The following ULK4 variants were observed in gnomAD, a reference collection of about 807,000 sequenced individuals.
ULK4 encodes the protein inactive serine/threonine-protein kinase ULK4.
ULK4 carries 133 observed loss-of-function variants against 160.6 expected under a neutral mutation model. The ratio of observed to expected loss-of-function variants is 0.83; its 90% confidence interval spans 0.72 to 0.96. ULK4 has a LOEUF of 0.96. Among genes scored for constraint, ULK4 ranks in the 40% least tolerant of loss-of-function variants. ULK4 has a pLI of 0.00. For synonymous variants in ULK4, 534 were observed against 539.8 expected (o/e 0.99, Z 0.15); for missense variants, 1,580 against 1,499.5 (o/e 1.05, Z -0.89).
At chr3:41,322,439 G>C (rs1273859667) in intron 35 of ULK4, among the ~76,000 whole-genome samples, 1 of 152,140 alleles carries the variant, frequency 6.6e-6, no homozygotes, top group Non-Finnish European at 1.5e-5. Flanking sequence ...AATAATTGAG[G>C]TTGCTGTAGA....
In ULK4 at chr3:41,856,590, C is replaced by CAT. The variant is rs1186531966; in HGVS notation, c.1657-20621_1657-20620dup. 5.4e-4 allele frequency among the ~76,000 whole-genome samples: 28 copies of CAT among 51,970 alleles called. No individual in the cohort carries two copies. In the East Asian group the frequency reaches 9.1e-3, roughly 17 times the overall value. 34.1% of individuals were successfully genotyped at this position (51,970 alleles called of 152,430 possible). On this transcript the variant is annotated intron_variant, in intron 17 of 36. Transcript: ENST00000301831. The stretch of plus-strand genomic sequence containing the variant: ...ATATATATATGTGTATATATATACA[C>CAT]ATATATATATATGTGTATATATATA...
chr3:41,774,674 A>G (rs1329044851), intron 21 of ULK4, among the ~76,000 whole-genome samples: 1 of 149,954 alleles, frequency 6.7e-6, no homozygotes, highest in Non-Finnish European at 1.5e-5. Context: ...GCGATTCCTC[A>G]GGGATCTAGA....
chr3:41,471,079 C>T (rs1165445535), intron 32 of ULK4, among the ~76,000 whole-genome samples: 1 of 151,680 alleles, frequency 6.6e-6, no homozygotes, highest in African/African-American at 2.4e-5. Context: ...CAAAACTAGA[C>T]CCAACTATAA....
chr3:41,579,406 TACA>T (rs972833564), intron 31 of ULK4, among the ~76,000 whole-genome samples: 1 of 151,146 alleles, frequency 6.6e-6, no homozygotes, highest in Non-Finnish European at 1.5e-5. Flanking sequence ...AAGCTCAGAA[TACA>T]ACGCCAGTTC....
At chr3:41,293,030 G>A (rs1304665625) in intron 35 of ULK4, among the ~76,000 whole-genome samples, 1 of 152,146 alleles carries the variant, frequency 6.6e-6, no homozygotes, top group Non-Finnish European at 1.5e-5. Context: ...GCTGAGGCAG[G>A]AGAATTGCTT....
chr3:41,548,557 C>T (rs2086946584), intron 32 of ULK4, among the ~76,000 whole-genome samples: 1 of 152,130 alleles, frequency 6.6e-6, no homozygotes, highest in Non-Finnish European at 1.5e-5. Flanking sequence ...AACATCATTA[C>T]CACTGCTAGC....
chr3:41,726,853 G>A (rs1437635968), intron 22 of ULK4, among the ~76,000 whole-genome samples: 1 of 151,994 alleles, frequency 6.6e-6, no homozygotes, highest in Non-Finnish European at 1.5e-5. Context: ...TCACCATGTT[G>A]GCCAGGCTGA....
At chr3:41,760,572 T>C (rs184821503) in intron 21 of ULK4, among the ~76,000 whole-genome samples, 1 of 152,202 alleles carries the variant, frequency 6.6e-6, no homozygotes, top group Non-Finnish European at 1.5e-5. Context: ...ACTGACATGA[T>C]GCAAGTGGAA....
chr3:41,918,058 A>G (rs1699035316), intron 7 of ULK4, among the ~76,000 whole-genome samples: 1 of 152,118 alleles, frequency 6.6e-6, no homozygotes, highest in Non-Finnish European at 1.5e-5. Flanking sequence ...TTATAAGGGT[A>G]GCATTCTGAT....
At chr3:41,477,166 T>TA (rs1444517348) in intron 32 of ULK4, among the ~76,000 whole-genome samples, 2 of 152,176 alleles carry the variant, frequency 1.3e-5, no homozygotes, top group Non-Finnish European at 2.9e-5. Context: ...AACCAACTCC[T>TA]AAAAAATCCA....
chr3:41,432,890 T>TA (rs77447291), intron 34 of ULK4, among the ~76,000 whole-genome samples: 2,054 of 146,630 alleles, frequency 0.014, 37 homozygotes, highest in African/African-American at 0.05. Context: ...AATAAACGTT[T>TA]AAAAAAAAAA....
chr3:41,630,240 T>C (rs2033688242), intron 30 of ULK4, among the ~76,000 whole-genome samples: 1 of 152,198 alleles, frequency 6.6e-6, no homozygotes, highest in African/African-American at 2.4e-5. Flanking sequence ...GCTGGAATCA[T>C]TGTGTCAGCT....
intron 24 of ULK4, 33 bp downstream of exon 24, chr3:41,715,414 T>G (rs768275314): frequency 1.2e-5 from 20 of 1,613,664 alleles, no homozygotes; most frequent in Non-Finnish European, 1.7e-5. Flanking sequence ...AAGAGGCAAA[T>G]TTATATCCTT....
At chr3:41,460,214 A>G (rs1344068272) in intron 33 of ULK4, among the ~76,000 whole-genome samples, 3 of 152,200 alleles carry the variant, frequency 2.0e-5, no homozygotes, top group Non-Finnish European at 4.4e-5. Context: ...CAGCAGTTTA[A>G]TGGTCCTACT....
At chr3:41,565,052 C>A (rs773469745) in intron 32 of ULK4, among the ~76,000 whole-genome samples, 1 of 152,154 alleles carries the variant, frequency 6.6e-6, no homozygotes, top group Admixed American at 6.5e-5. Context: ...AAAGTGACTA[C>A]AGTATTCAGC....
intron 32 of ULK4, among the ~76,000 whole-genome samples, chr3:41,521,940 A>G (rs2085943751): frequency 6.6e-6 from 1 of 152,012 alleles, no homozygotes; most frequent in Non-Finnish European, 1.5e-5. Context: ...TAGACTAATA[A>G]CTTTTTTGGA....
chr3:41,646,480 G>A (rs545504367), intron 30 of ULK4, among the ~76,000 whole-genome samples: 1 of 152,250 alleles, frequency 6.6e-6, no homozygotes, highest in East Asian at 1.9e-4. Context: ...ATGAGATTCT[G>A]GGTTGAAAAT....
chr3:41,323,302 T>C (rs1303488913), intron 35 of ULK4, among the ~76,000 whole-genome samples: 2 of 151,536 alleles, frequency 1.3e-5, no homozygotes, highest in Non-Finnish European at 2.9e-5. Context: ...AGGACATATA[T>C]TAAATTCATT....
chr3:41,897,964 T>C (rs964388727), intron 14 of ULK4, among the ~76,000 whole-genome samples: 1 of 152,110 alleles, frequency 6.6e-6, no homozygotes, highest in Non-Finnish European at 1.5e-5. Flanking sequence ...TCAACAGAAA[T>C]GTAATAATTA....
Sources: gnomAD v4.1 joint callset for allele counts (sites outside exome capture counted in the v4.1 genomes callset) on GRCh38, gnomAD v4.1.1 for gene constraint, MANE v1.5 for transcripts, NCBI Gene and HGNC (gene_info 2026-07-23, HGNC 2026-07-21) for gene names.